Variants in ADGRB3 observed in about 807,000 individuals in gnomAD.
ADGRB3 encodes adhesion G protein-coupled receptor B3, also known as brain-specific angiogenesis inhibitor 3.
In ADGRB3, 37 loss-of-function variants were observed where a neutral mutation model predicts 193.4. The ratio of observed to expected loss-of-function variants is 0.19; its 90% CI spans 0.15 to 0.25. The LOEUF is 0.25. Ranked by LOEUF, ADGRB3 falls within the 10% of genes least tolerant of loss-of-function variation. The probability of loss-of-function intolerance (pLI) is 1.00; values close to 1 mark genes in which losing one functional copy is unlikely to be tolerated. For synonymous variants in ADGRB3, 690 were observed against 644.2 expected (o/e 1.07, Z -1.08); for missense variants, 1,637 against 1,852.9 (o/e 0.88, Z 2.14).
intron 3 of ADGRB3, among the ~76,000 whole-genome samples, chr6:68,643,438 CTTTTTTTT>C (rs765489730): frequency 1.5e-5 from 1 of 65,030 alleles, no homozygotes; most frequent in African/African-American, 6.5e-5. Flanking sequence ...CTTCATCTTC[CTTTTTTTT>C]TTTTTTTTTT....
At chr6:69,340,382 A>G (rs561944959) in intron 26 of ADGRB3, among the ~76,000 whole-genome samples, 1 of 152,280 alleles carries the variant, frequency 6.6e-6, no homozygotes, top group South Asian at 2.1e-4. Flanking sequence ...TCTAGGGATG[A>G]CTGGTGACAA....
rs148136685 is a variant in ADGRB3, at chr6:68,975,292, G to A, written c.1686G>A (p.Pro562=). 1.5e-4 allele frequency: 239 copies of A among 1,614,034 alleles called. 1 individual carries two copies. In the Middle Eastern group the frequency reaches 2.0e-3, roughly 13 times the overall value. ...SLHGVAFWEQ[P]SFARCISNEY... ...ATGGAGTGGCCTTCTGGGAACAGCC[G>A]AGCTTTGCAAGATGCATATCAAATG... The change falls in exon 10 of 32, where the codon CCG becomes CCA. Residue 562 remains proline (P), a synonymous_variant. Coordinates refer to ENST00000370598, the MANE Select transcript of ADGRB3 (RefSeq NM_001704.3).
chr6:68,780,476 A>C (rs996659912), intron 3 of ADGRB3, among the ~76,000 whole-genome samples: 1 of 152,112 alleles, frequency 6.6e-6, no homozygotes, highest in Admixed American at 6.6e-5. Context: ...AGCATCTCCC[A>C]AAGGAAGTCA....
chr6:69,186,926 G>GA (rs1345441186), intron 17 of ADGRB3, among the ~76,000 whole-genome samples: 1 of 140,946 alleles, frequency 7.1e-6, no homozygotes, highest in Non-Finnish European at 1.5e-5. Flanking sequence ...TCATAGCAAG[G>GA]TTTTTTTTTT....
intron 3 of ADGRB3, among the ~76,000 whole-genome samples, chr6:68,822,264 C>G (rs1767761531): frequency 6.6e-6 from 1 of 151,686 alleles, no homozygotes; most frequent in Non-Finnish European, 1.5e-5. Context: ...TCCCATAACT[C>G]CAAAAGTGAA....
At chr6:69,172,590 G>A (rs1179843212) in intron 17 of ADGRB3, among the ~76,000 whole-genome samples, 7 of 128,380 alleles carry the variant, frequency 5.5e-5, no homozygotes, top group Middle Eastern at 5.0e-3. Flanking sequence ...CTTGCAGTGA[G>A]TCGAGATTGC....
At chr6:69,118,985 C>T (rs935640724) in intron 17 of ADGRB3, among the ~76,000 whole-genome samples, 1 of 152,036 alleles carries the variant, frequency 6.6e-6, no homozygotes, top group African/African-American at 2.4e-5. Context: ...TAATTTTCTT[C>T]ATATTTTATT....
At chr6:68,669,060 AT>A (rs1768873457) in intron 3 of ADGRB3, among the ~76,000 whole-genome samples, 1 of 151,908 alleles carries the variant, frequency 6.6e-6, no homozygotes, top group South Asian at 2.1e-4. Flanking sequence ...GTATGTATTT[AT>A]TTTTATAATT....
chr6:69,183,369 C>T (rs1764984259), intron 17 of ADGRB3, among the ~76,000 whole-genome samples: 1 of 152,122 alleles, frequency 6.6e-6, no homozygotes, highest in East Asian at 1.9e-4. Context: ...GTTATAAGTG[C>T]CTCTTTTTAT....
Position 69,122,003 on chromosome 6 carries a change from C to A in ADGRB3, c.2480+45965C>A, listed in dbSNP as rs528099241. ...GGCCAGGCAGAGATGCTCCTCACTT[C>A]CCAGACAGGGTGGCAGCCAGGCAGA... On this transcript the variant is annotated intron_variant, in intron 17 of 31. Coordinates refer to ENST00000370598, the MANE Select transcript of ADGRB3 (RefSeq NM_001704.3). Among the ~76,000 whole-genome samples, 3 of 28,900 alleles carry A rather than the reference C, an allele frequency of 1.0e-4. No homozygotes were observed. The South Asian group carries it at 7.5e-3, about 73-fold the overall frequency. The allele number at this position is 28,900 out of a possible 152,430, so 19.0% of individuals were successfully genotyped here. A position where few individuals can be genotyped will look rare whatever the true frequency, so the allele number is the denominator to read the frequency against.
intron 20 of ADGRB3, among the ~76,000 whole-genome samples, chr6:69,254,473 A>G (rs1766704995): frequency 6.6e-6 from 1 of 152,008 alleles, no homozygotes; most frequent in South Asian, 2.1e-4. Context: ...GAACTTTTTC[A>G]TTTATCCCTG....
At chr6:69,158,195 T>G (rs1774895160) in intron 17 of ADGRB3, among the ~76,000 whole-genome samples, 2 of 152,080 alleles carry the variant, frequency 1.3e-5, no homozygotes, top group African/African-American at 4.8e-5. Context: ...ATAATTTAGT[T>G]AGACATTTTT....
chr6:68,861,516 C>A (rs565771203), intron 3 of ADGRB3, among the ~76,000 whole-genome samples: 2 of 151,994 alleles, frequency 1.3e-5, no homozygotes, highest in Admixed American at 6.5e-5. Context: ...GAGCCGAGAT[C>A]GCGCCACTGC....
At chr6:69,101,982 G>T (rs957559279) in intron 17 of ADGRB3, among the ~76,000 whole-genome samples, 1 of 151,948 alleles carries the variant, frequency 6.6e-6, no homozygotes, top group East Asian at 1.9e-4. Context: ...GAGGTCAGGA[G>T]ATCAAGACCA....
chr6:69,059,820 A>T (rs996893612), intron 15 of ADGRB3, among the ~76,000 whole-genome samples: 7 of 152,164 alleles, frequency 4.6e-5, no homozygotes, highest in Admixed American at 1.3e-4. Flanking sequence ...GGCATTTAAT[A>T]CCATGATATT....
At chr6:69,158,067 A>AT (rs1774892400) in intron 17 of ADGRB3, among the ~76,000 whole-genome samples, 1 of 152,174 alleles carries the variant, frequency 6.6e-6, no homozygotes, top group Non-Finnish European at 1.5e-5. Flanking sequence ...GATCTATCTT[A>AT]TGCCAGATCT....
At chr6:69,148,841 C>T (rs1278589176) in intron 17 of ADGRB3, among the ~76,000 whole-genome samples, 1 of 152,108 alleles carries the variant, frequency 6.6e-6, no homozygotes, top group Non-Finnish European at 1.5e-5. Flanking sequence ...TCCTTCGGCA[C>T]CTTAAATATG....
At chr6:68,762,235 A>G (rs1472543623) in intron 3 of ADGRB3, among the ~76,000 whole-genome samples, 2 of 151,784 alleles carry the variant, frequency 1.3e-5, no homozygotes, top group African/African-American at 2.4e-5. Flanking sequence ...TTTTCTCCCT[A>G]ACTTTCTCTT....
At chr6:69,087,707 TTA>T (rs1250903982) in intron 17 of ADGRB3, among the ~76,000 whole-genome samples, 1 of 152,116 alleles carries the variant, frequency 6.6e-6, no homozygotes, top group African/African-American at 2.4e-5. Flanking sequence ...CAAAAAAGAA[TTA>T]TTTATGAAAA....
Sources: allele counts gnomAD v4.1 joint callset (sites outside exome capture counted in the v4.1 genomes callset), GRCh38; gene constraint gnomAD v4.1.1; transcripts MANE v1.5; gene names NCBI Gene and HGNC (gene_info 2026-07-23, HGNC 2026-07-21).